UTRN: variants seen among roughly 807,000 people sequenced by gnomAD.
The protein encoded by UTRN is utrophin, also known as dystrophin-related protein 1.
In UTRN, 283 loss-of-function variants were observed where a neutral mutation model predicts 463.9. The ratio of observed to expected loss-of-function variants is 0.61; its 90% CI spans 0.55 to 0.67. UTRN has a LOEUF of 0.67. Among genes scored for constraint, UTRN ranks in the 30% least tolerant of loss-of-function variants. The pLI is 0.00. For missense variants in UTRN, 3,922 were observed against 4,084.3 expected, an observed-to-expected ratio of 0.96 and a Z score of 1.08; for synonymous variants, 1,442 against 1,431.5, an observed-to-expected ratio of 1.01 and a Z score of -0.17.
In UTRN at chr6:144,426,364, T is replaced by G; in HGVS notation, c.483T>G (p.Arg161=). Residue 161 remains arginine, a synonymous_variant, in exon 7 of 75, where the codon CGT becomes CGG. Coordinates refer to ENST00000367545, the MANE Select transcript of UTRN (RefSeq NM_007124.3). Reference sequence around the variant, plus strand: ...AGAAGATCCTGCTCAGCTGGGTGCGTCAGACCACCAGGCCCTACAGCCAAG... The same window carrying G: ...AGAAGATCCTGCTCAGCTGGGTGCGGCAGACCACCAGGCCCTACAGCCAAG... ...NSEKILLSWV[R]QTTRPYSQVN... The G allele has an allele frequency of 1.9e-6, 3 of 1,614,162 alleles. No individual in the cohort carries two copies. The highest frequency in any genetic ancestry group is 2.5e-6 in the Non-Finnish European group (3 of 1,180,000).
intron 23 of UTRN, among the ~76,000 whole-genome samples, chr6:144,466,660 C>T (rs1157599143): frequency 1.3e-5 from 2 of 152,188 alleles, no homozygotes; most frequent in African/African-American, 4.8e-5. Context: ...TCATGTGAAT[C>T]ATGGGGATAA....
chr6:144,833,731 C>T (rs995379388), intron 69 of UTRN, among the ~76,000 whole-genome samples: 1 of 152,210 alleles, frequency 6.6e-6, no homozygotes, highest in South Asian at 2.1e-4. Flanking sequence ...CTCCAGGCAT[C>T]GCTGACTTTG....
At chr6:144,724,009 C>CAAAAAAAAAAAA (rs59598919) in intron 53 of UTRN, among the ~76,000 whole-genome samples, 17 of 58,754 alleles carry the variant, frequency 2.9e-4, no homozygotes, top group East Asian at 8.5e-4. Flanking sequence ...GACTCCATCT[C>CAAAAAAAAAAAA]AAAAAAAAAA....
intron 27 of UTRN, among the ~76,000 whole-genome samples, chr6:144,483,268 A>T (rs958050095): frequency 6.6e-6 from 1 of 152,138 alleles, no homozygotes; most frequent in Non-Finnish European, 1.5e-5. Context: ...TTGATTTGGG[A>T]TCTGTCTGCT....
intron 2 of UTRN, among the ~76,000 whole-genome samples, chr6:144,332,026 T>A (rs1193999017): frequency 6.6e-6 from 1 of 152,238 alleles, no homozygotes; most frequent in Non-Finnish European, 1.5e-5. Context: ...AACCTCTGTT[T>A]ACAGGGTCTT....
rs115573824 is a variant in UTRN at position 144,630,857 on chromosome 6, G to A, written c.7480-47549G>A. On this transcript the variant is annotated intron_variant, in intron 51 of 74. Coordinates refer to ENST00000367545, the MANE Select transcript of UTRN (RefSeq NM_007124.3). ...TGTCACCCTCCTTGTCCCTCATTCA[G>A]CCCTGCTCTTTCACAATAACCACCC... Among the ~76,000 whole-genome samples, 355 of 152,124 alleles carry A rather than the reference G, an allele frequency of 2.3e-3. 4 individuals are homozygous for A. The highest frequency in any genetic ancestry group is 8.3e-3 in the African/African-American group (343 of 41,470).
chr6:144,447,058 T>C (rs2128555477), intron 14 of UTRN, among the ~76,000 whole-genome samples, 153 bp from the exon 15 acceptor site: 1 of 152,344 alleles, frequency 6.6e-6, no homozygotes. Context: ...TTCTGGGTCA[T>C]TTGTGCCTCA....
chr6:144,472,631 A>T (rs373285494), intron 23 of UTRN, among the ~76,000 whole-genome samples: 1 of 152,204 alleles, frequency 6.6e-6, no homozygotes. Context: ...ATCATGTCCT[A>T]CAGACATCAT....
At position 144,720,787 on chromosome 6, in the gene UTRN, C is replaced by T. The variant is rs80207245; in HGVS notation, c.7810-9570C>T. ...TTGAGAAGGTTGACCTCCCTCCCTC[C>T]TCTGTGTATTTATTCATAATGAGGC... On this transcript the variant is annotated intron_variant, in intron 53 of 74. Transcript: ENST00000367545. Among the ~76,000 whole-genome samples the T allele has an allele frequency of 3.5e-3, 528 of 152,206 alleles. 3 individuals are homozygous for T. The highest frequency in any genetic ancestry group is 7.3e-3 in the South Asian group (35 of 4,824).
intron 33 of UTRN, among the ~76,000 whole-genome samples, chr6:144,497,597 CTT>C (rs1481159299): frequency 2.0e-5 from 3 of 151,270 alleles, no homozygotes; most frequent in Non-Finnish European, 2.9e-5. Flanking sequence ...AGGAGAATCA[CTT>C]GAACCTGGGA....
chr6:144,376,565 G>GGATTA (rs974165544), intron 2 of UTRN, among the ~76,000 whole-genome samples: 4 of 151,990 alleles, frequency 2.6e-5, no homozygotes, highest in African/African-American at 9.7e-5. Context: ...CAAAGTGCTG[G>GGATTA]GATTATAGGT....
At chr6:144,676,819 A>G (rs1282357105) in intron 51 of UTRN, among the ~76,000 whole-genome samples, 2 of 152,234 alleles carry the variant, frequency 1.3e-5, no homozygotes, top group African/African-American at 2.4e-5. Context: ...ACAAACTATT[A>G]GTAAATGTTT....
chr6:144,722,349 A>G (rs560941913), intron 53 of UTRN, among the ~76,000 whole-genome samples: 85 of 151,086 alleles, frequency 5.6e-4, no homozygotes, highest in Middle Eastern at 3.4e-3. Context: ...GCTGTCTTTC[A>G]GATGCCTTCC....
chr6:144,688,598 T>C (rs1782993518), intron 52 of UTRN, among the ~76,000 whole-genome samples: 1 of 151,468 alleles, frequency 6.6e-6, no homozygotes, highest in Admixed American at 6.6e-5. Context: ...CTCTAGTTTA[T>C]TGTAACCCAA....
chr6:144,818,817 C>T (rs530583576), intron 65 of UTRN, among the ~76,000 whole-genome samples: 35 of 151,966 alleles, frequency 2.3e-4, no homozygotes, highest in African/African-American at 6.5e-4. Flanking sequence ...GATGATATAT[C>T]CTTTTGGCTT....
At chr6:144,835,341 C>A (rs989313911) in intron 69 of UTRN, among the ~76,000 whole-genome samples, 1 of 152,132 alleles carries the variant, frequency 6.6e-6, no homozygotes. Context: ...GGATTATAAA[C>A]CTTGTCATAT....
At chr6:144,530,596 C>A (rs1288714864) in intron 41 of UTRN, among the ~76,000 whole-genome samples, 1 of 152,102 alleles carries the variant, frequency 6.6e-6, no homozygotes, top group Admixed American at 6.6e-5. Flanking sequence ...AATAATGAAT[C>A]ATATTTTATA....
chr6:144,489,644 C>T (rs1019430102), intron 30 of UTRN, among the ~76,000 whole-genome samples: 13 of 151,966 alleles, frequency 8.6e-5, no homozygotes, highest in African/African-American at 1.7e-4. Flanking sequence ...ATTTTTTAGA[C>T]GGATTCTCAC....
At chr6:144,778,403 T>C (rs1211476252) in intron 60 of UTRN, among the ~76,000 whole-genome samples, 1 of 151,996 alleles carries the variant, frequency 6.6e-6, no homozygotes, top group Non-Finnish European at 1.5e-5. Flanking sequence ...ATATAGCTCT[T>C]GTAGGGATCA....
Sources: gnomAD v4.1 joint callset for allele counts (sites outside exome capture counted in the v4.1 genomes callset) on GRCh38, gnomAD v4.1.1 for gene constraint, MANE v1.5 for transcripts, NCBI Gene and HGNC (gene_info 2026-07-23, HGNC 2026-07-21) for gene names.